GLIS3: variants seen among roughly 807,000 people sequenced by gnomAD.
GLIS3 encodes zinc finger protein GLIS3.
In GLIS3, 53 loss-of-function variants were observed where a neutral mutation model predicts 78.6. That is an observed-to-expected ratio of 0.67 (90% CI 0.54 to 0.85). The LOEUF is 0.85. Ranked by LOEUF, GLIS3 falls within the 40% of genes least tolerant of loss-of-function variation. The probability of loss-of-function intolerance (pLI) is 0.00; values close to 1 mark genes in which losing one functional copy is unlikely to be tolerated. For missense variants in GLIS3, 1,703 were observed against 1,231.1 expected (o/e 1.38, Z -5.74); for synonymous variants, 684 against 509.9 (o/e 1.34, Z -4.60).
At chr9:4,481,360 TG>T in the GLIS3 span, among the ~76,000 whole-genome samples, 1 of 152,096 alleles carries the variant, frequency 6.6e-6, no homozygotes. Context: ...GGTGTGTGCC[TG>T]TAATCCCAGC....
At chr9:3,880,969 C>A (rs2130472406) in intron 7 of GLIS3, among the ~76,000 whole-genome samples, 1 of 152,314 alleles carries the variant, frequency 6.6e-6, no homozygotes, top group Non-Finnish European at 1.5e-5. Flanking sequence ...AAATGCTTAC[C>A]AGTTCAGAAA....
At chr9:4,487,124 C>G in the GLIS3 span, among the ~76,000 whole-genome samples, 2 of 152,130 alleles carry the variant, frequency 1.3e-5, no homozygotes, top group African/African-American at 4.8e-5. Flanking sequence ...CTCAGCCTCT[C>G]GAGTAGCTGG....
intron 4 of GLIS3, among the ~76,000 whole-genome samples, chr9:3,940,167 C>T (rs1220311227): frequency 6.6e-6 from 1 of 152,156 alleles, no homozygotes; most frequent in Non-Finnish European, 1.5e-5. Context: ...AATGCAAATG[C>T]ATTACAAATA....
At chr9:4,283,995 G>A (rs1014319318) in intron 2 of GLIS3, among the ~76,000 whole-genome samples, 3 of 152,198 alleles carry the variant, frequency 2.0e-5, no homozygotes, top group African/African-American at 7.2e-5. Context: ...TCAAGAAGCA[G>A]CACTACTTCT....
intron 2 of GLIS3, among the ~76,000 whole-genome samples, chr9:4,318,321 T>C (rs146583930): frequency 6.0e-4 from 92 of 152,296 alleles, no homozygotes; most frequent in African/African-American, 2.1e-3. Context: ...CTAGAATCAA[T>C]GACATCTCAG....
Position 4,118,169 on chromosome 9 carries a change from G to T in GLIS3, c.1309C>A (p.Pro437Thr), listed in dbSNP as rs769437345. 6.4e-7 allele frequency: 1 copy of T among 1,567,772 alleles called. No individual in the cohort carries two copies. Among genetic ancestry groups the T allele is most frequent in the African/African-American group, 1.4e-5 (1 of 74,072 alleles). The part of the protein sequence containing the change: ...LFKTERLEEF[P>T]GSTVDLPPAP... ...GGGGGTAGGTCTACGGTGCTGCCCG[G>T]GAACTCCTCCAGGCGTTCGGTCTTG... Residue 437 changes from proline to threonine, a missense_variant, in exon 4 of 11, where the codon CCG becomes ACG. Transcript: ENST00000381971. This position sits in a 1 kb window ranked among gnomAD's most constrained non-coding sequence, Gnocchi z 4.7.
chr9:4,197,036 G>C (rs753857178), intron 2 of GLIS3, among the ~76,000 whole-genome samples: 2 of 152,092 alleles, frequency 1.3e-5, no homozygotes, highest in Non-Finnish European at 2.9e-5. Flanking sequence ...TGGTGCAGTG[G>C]GGCTCTGCTC....
At chr9:3,989,023 AAAT>A (rs2129734332) in intron 4 of GLIS3, among the ~76,000 whole-genome samples, 1 of 152,316 alleles carries the variant, frequency 6.6e-6, no homozygotes, top group East Asian at 1.9e-4. Context: ...AACGACCAGT[AAAT>A]AAAGTATATT....
intron 1 of GLIS3, among the ~76,000 whole-genome samples, chr9:4,297,590 G>A (rs1000680575): frequency 5.9e-5 from 9 of 152,186 alleles, no homozygotes; most frequent in Non-Finnish European, 1.3e-4. Context: ...GAGGGTGCAA[G>A]AGCAACCCTC....
chr9:4,466,967 G>C, the GLIS3 span, among the ~76,000 whole-genome samples: 574 of 152,338 alleles, frequency 3.8e-3, 1 homozygote, highest in African/African-American at 0.013. Flanking sequence ...TTAGCAAATG[G>C]CACACCAGAA....
rs1466452333 is a variant in GLIS3, at chr9:4,118,446, C to T, written c.1032G>A (p.Gln344=). The change falls in exon 4 of 11, where the codon CAG becomes CAA. Residue 344 remains glutamine (Q), a synonymous_variant. Coordinates refer to ENST00000381971, the MANE Select transcript of GLIS3 (RefSeq NM_001042413.2). This position sits in a 1 kb window ranked among gnomAD's most constrained non-coding sequence, Gnocchi z 4.7. ...CCAGGAAATGCCCGTAGACCTCCGG[C>T]TGCGGGGACAGGTTGGCCGGCGAAG... The part of the protein sequence containing the change: ...SRASPANLSP[Q]PEVYGHFLGV... 2 of 1,612,878 alleles carry T rather than the reference C, an allele frequency of 1.2e-6. No individual in the cohort carries two copies. The highest frequency in any genetic ancestry group is 1.1e-5 in the South Asian group (1 of 91,092).
intron 2 of GLIS3, among the ~76,000 whole-genome samples, chr9:4,282,774 T>C (rs974888414): frequency 2.0e-5 from 3 of 152,178 alleles, no homozygotes; most frequent in African/African-American, 7.2e-5. Context: ...TATACACATG[T>C]AGATATGTAT....
chr9:4,177,949 A>G (rs1437915930), intron 2 of GLIS3, among the ~76,000 whole-genome samples: 1 of 152,208 alleles, frequency 6.6e-6, no homozygotes, highest in African/African-American at 2.4e-5. Context: ...TCCACATGAA[A>G]TATTTCTTCC....
the GLIS3 span, among the ~76,000 whole-genome samples, chr9:4,355,920 G>T: frequency 3.9e-5 from 6 of 152,168 alleles, no homozygotes; most frequent in Admixed American, 2.0e-4. Context: ...TGATTAGCAT[G>T]CGTTTGGTAT....
At chr9:4,129,739 G>A (rs12336393) in intron 2 of GLIS3, among the ~76,000 whole-genome samples, 90,568 of 151,928 alleles carry the variant, frequency 0.6, 27,379 homozygotes, top group South Asian at 0.71. Flanking sequence ...ATAGCAATGC[G>A]AGAACAGACT....
At chr9:4,431,467 T>G in the GLIS3 span, among the ~76,000 whole-genome samples, 1 of 152,188 alleles carries the variant, frequency 6.6e-6, no homozygotes, top group African/African-American at 2.4e-5. Flanking sequence ...TTTTGCTCCA[T>G]GTAGTCAATC....
chr9:4,026,970 A>T (rs1446914943), intron 4 of GLIS3, among the ~76,000 whole-genome samples: 1 of 152,316 alleles, frequency 6.6e-6, no homozygotes, highest in East Asian at 1.9e-4. Flanking sequence ...CTGACACTAA[A>T]TTCCATGGAG....
intron 2 of GLIS3, among the ~76,000 whole-genome samples, chr9:4,162,288 G>C (rs1183643488): frequency 6.6e-6 from 1 of 151,902 alleles, no homozygotes; most frequent in African/African-American, 2.4e-5. Context: ...TTTTTAACTT[G>C]ATTACATCTA....
At position 4,059,829 on chromosome 9, in the gene GLIS3, T is replaced by TGTGTGTGTGTGTGTGTGTGAGA; in HGVS notation, c.1710+57938_1710+57939insTCTCACACACACACACACACAC. Among the ~76,000 whole-genome samples, 990 of 100,632 alleles carry TGTGTGTGTGTGTGTGTGTGAGA rather than the reference T, an allele frequency of 9.8e-3. 8 individuals carry two copies. Among genetic ancestry groups the TGTGTGTGTGTGTGTGTGTGAGA allele is most frequent in the Non-Finnish European group, 0.014 (664 of 48,056 alleles). 66.0% of individuals were successfully genotyped at this position (100,632 alleles called of 152,430 possible). On this transcript the variant is annotated intron_variant, in intron 4 of 10. Transcript: ENST00000381971. ...TTGTGTGTGTGTGTGTGTGTGTGTG[T>TGTGTGTGTGTGTGTGTGTGAGA]GAGAGAGAGAGAGAGAGAGAGAGAG... is the stretch of plus-strand genomic sequence containing the variant.
Sources: gnomAD v4.1 joint callset for allele counts (sites outside exome capture counted in the v4.1 genomes callset) on GRCh38, gnomAD v4.1.1 for gene constraint, Gnocchi (gnomAD v3.1) non-coding constraint, MANE v1.5 for transcripts, NCBI Gene and HGNC (gene_info 2026-07-23, HGNC 2026-07-21) for gene names.